The following CSMD1 variants were observed in gnomAD, a reference collection of about 807,000 sequenced individuals.
CSMD1 encodes the protein CUB and sushi domain-containing protein 1.
In CSMD1, 213 loss-of-function variants were observed where a neutral mutation model predicts 417.5. The observed-to-expected ratio is 0.51, with a 90% CI of 0.46 to 0.57. The LOEUF (loss-of-function observed/expected upper bound fraction) is 0.57, where lower values mean the gene tolerates loss of function less well. Among genes scored for constraint, CSMD1 ranks in the 20% least tolerant of loss-of-function variants. The pLI, the probability that CSMD1 is intolerant of heterozygous loss-of-function variation, is 0.00. For missense variants in CSMD1, 6,923 were observed against 4,529.7 expected, an observed-to-expected ratio of 1.53 and a Z score of -15.17; for synonymous variants, 2,862 against 1,736.8, an observed-to-expected ratio of 1.65 and a Z score of -16.11.
intron 3 of CSMD1, among the ~76,000 whole-genome samples, chr8:4,342,752 A>T (rs1471820592): frequency 1.3e-5 from 2 of 152,044 alleles, no homozygotes; most frequent in Non-Finnish European, 2.9e-5. Context: ...CTTGCAGAAG[A>T]CGTGTTAAAA....
At chr8:3,675,143 A>C (rs1799307245) in intron 7 of CSMD1, among the ~76,000 whole-genome samples, 1 of 152,116 alleles carries the variant, frequency 6.6e-6, no homozygotes, top group African/African-American at 2.4e-5. Flanking sequence ...ATCATGGCTC[A>C]AGTGCCACTT....
chr8:4,268,125 G>A (rs906295490), intron 3 of CSMD1, among the ~76,000 whole-genome samples: 7 of 152,086 alleles, frequency 4.6e-5, no homozygotes, highest in African/African-American at 1.7e-4. Flanking sequence ...TATTGACACT[G>A]TTAAACATAT....
intron 54 of CSMD1, among the ~76,000 whole-genome samples, chr8:2,992,836 C>A (rs949544372): frequency 2.0e-5 from 3 of 152,114 alleles, no homozygotes; most frequent in African/African-American, 7.2e-5. Context: ...CTCCCAGGCT[C>A]AAGGGATCCT....
At chr8:3,782,428 A>T (rs1799231620) in intron 5 of CSMD1, among the ~76,000 whole-genome samples, 1 of 152,164 alleles carries the variant, frequency 6.6e-6, no homozygotes, top group Non-Finnish European at 1.5e-5. Flanking sequence ...CTGTTCAACA[A>T]CCCTGAATTC....
At chr8:3,119,320 CGTT>C (rs1443170582) in intron 41 of CSMD1, among the ~76,000 whole-genome samples, 2 of 134,934 alleles carry the variant, frequency 1.5e-5, no homozygotes, top group African/African-American at 5.3e-5. Context: ...GAAAATATGT[CGTT>C]ATTTGGTTTA....
chr8:4,269,589 C>T (rs996864359), intron 3 of CSMD1, among the ~76,000 whole-genome samples: 37 of 152,128 alleles, frequency 2.4e-4, no homozygotes, highest in African/African-American at 7.5e-4. Context: ...TGAAAGCATC[C>T]TTCACATACA....
At chr8:3,622,718 TAAAC>T (rs1032134237) in intron 7 of CSMD1, among the ~76,000 whole-genome samples, 13 of 152,200 alleles carry the variant, frequency 8.5e-5, no homozygotes, top group African/African-American at 1.2e-4. Context: ...TTTCGTGTGA[TAAAC>T]AGTCAGAAAA....
intron 3 of CSMD1, among the ~76,000 whole-genome samples, chr8:4,286,904 A>T (rs11136717): frequency 0.2 from 29,848 of 152,152 alleles, 3,550 homozygotes; most frequent in East Asian, 0.55. Flanking sequence ...CAAGGAGTTG[A>T]TTCAAATGAA....
At chr8:4,258,954 A>G (rs1204805285) in intron 3 of CSMD1, among the ~76,000 whole-genome samples, 1 of 152,172 alleles carries the variant, frequency 6.6e-6, no homozygotes, top group African/African-American at 2.4e-5. Flanking sequence ...GACTTAATAC[A>G]CTAAGGTGTA....
chr8:3,558,996 G>A (rs1799349190), intron 10 of CSMD1, among the ~76,000 whole-genome samples: 1 of 152,202 alleles, frequency 6.6e-6, no homozygotes, highest in African/African-American at 2.4e-5. Context: ...CTAGAAGTGG[G>A]ACTGCCGTGG....
chr8:4,126,513 C>T (rs1458476638), intron 3 of CSMD1, among the ~76,000 whole-genome samples: 1 of 152,182 alleles, frequency 6.6e-6, no homozygotes, highest in African/African-American at 2.4e-5. Flanking sequence ...AGCAGGAGGT[C>T]TCCCACTGAT....
chr8:3,309,595 A>G (rs1805170409), intron 23 of CSMD1, among the ~76,000 whole-genome samples: 1 of 143,748 alleles, frequency 7.0e-6, no homozygotes, highest in South Asian at 2.3e-4. Flanking sequence ...ATTTCTATTC[A>G]TATCATGATG....
At chr8:3,367,712 T>C (rs1355152291) in intron 19 of CSMD1, among the ~76,000 whole-genome samples, 4 of 152,194 alleles carry the variant, frequency 2.6e-5, no homozygotes, top group Non-Finnish European at 2.9e-5. Context: ...TATGAAGATA[T>C]GATGTGGACA....
chr8:4,319,794 G>T (rs967756207), intron 3 of CSMD1, among the ~76,000 whole-genome samples: 1 of 152,064 alleles, frequency 6.6e-6, no homozygotes. Context: ...AGAGAAGAGA[G>T]CTTCACAAGA....
At chr8:4,456,177 C>A (rs1207444745) in intron 2 of CSMD1, among the ~76,000 whole-genome samples, 2 of 151,422 alleles carry the variant, frequency 1.3e-5, no homozygotes, top group Non-Finnish European at 2.9e-5. Context: ...TTGGAAAAAG[C>A]ATGACACAAA....
intron 5 of CSMD1, among the ~76,000 whole-genome samples, chr8:3,761,615 C>T (rs1002562505): frequency 1.3e-5 from 2 of 150,398 alleles, no homozygotes; most frequent in African/African-American, 4.9e-5. Context: ...AAGCCATTCT[C>T]CTGCCTCAGA....
At chr8:3,914,594 G>T (rs2912293) in intron 5 of CSMD1, among the ~76,000 whole-genome samples, 142,150 of 152,232 alleles carry the variant, frequency 0.93, 66,440 homozygotes, top group Middle Eastern at 0.99. Flanking sequence ...AATAAATTAA[G>T]AAAATAGTAC....
chr8:4,964,414 G>A (rs1809711660), intron 1 of CSMD1, among the ~76,000 whole-genome samples: 2 of 143,006 alleles, frequency 1.4e-5, no homozygotes, highest in African/African-American at 5.2e-5. Context: ...AGCTACCTGG[G>A]AAGCTGAGGT....
intron 2 of CSMD1, among the ~76,000 whole-genome samples, chr8:4,601,225 G>A (rs894544000): frequency 1.3e-5 from 2 of 151,992 alleles, no homozygotes; most frequent in African/African-American, 4.8e-5. Context: ...CAAAGTGCCG[G>A]GATTACAGGC....
Sources: allele counts gnomAD v4.1 joint callset (sites outside exome capture counted in the v4.1 genomes callset), GRCh38; gene constraint gnomAD v4.1.1; transcripts MANE v1.5; gene names NCBI Gene and HGNC (gene_info 2026-07-23, HGNC 2026-07-21).